Variants in BAZ2B observed in about 807,000 individuals in gnomAD.
The protein encoded by BAZ2B is bromodomain adjacent to zinc finger domain protein 2B.
In BAZ2B, 91 loss-of-function variants were observed where a neutral mutation model predicts 246.0. The ratio of observed to expected loss-of-function variants is 0.37; its 90% CI spans 0.31 to 0.44. The LOEUF is 0.44. Among genes scored for constraint, BAZ2B ranks in the 20% least tolerant of loss-of-function variants. BAZ2B has a pLI of 1.00. For synonymous variants in BAZ2B, 855 were observed against 860.0 expected, an observed-to-expected ratio of 0.99 and a Z score of 0.10; for missense variants, 2,332 against 2,533.7, an observed-to-expected ratio of 0.92 and a Z score of 1.71.
intron 2 of BAZ2B, among the ~76,000 whole-genome samples, chr2:159,534,080 T>A (rs1389774839): frequency 5.3e-5 from 8 of 152,238 alleles, no homozygotes; most frequent in African/African-American, 1.9e-4. Flanking sequence ...TCCTCATAAT[T>A]TCAAGTAAAA....
chr2:159,357,557 T>A (rs1475486331), intron 27 of BAZ2B, among the ~76,000 whole-genome samples: 1 of 152,058 alleles, frequency 6.6e-6, no homozygotes, highest in Non-Finnish European at 1.5e-5. Context: ...GTCAGGATAT[T>A]ATCCAGGAGA....
the BAZ2B span, among the ~76,000 whole-genome samples, chr2:159,666,246 T>A: frequency 6.8e-6 from 1 of 146,028 alleles, no homozygotes; most frequent in South Asian, 2.1e-4. Flanking sequence ...TTATTATATT[T>A]TTTTATGATT....
intron 2 of BAZ2B, among the ~76,000 whole-genome samples, chr2:159,507,050 T>A (rs1019199020): frequency 6.6e-6 from 1 of 152,188 alleles, no homozygotes; most frequent in Non-Finnish European, 1.5e-5. Context: ...ATGGTACTTC[T>A]ACTAAGTTAT....
chr2:159,556,945 G>A (rs2089214635), intron 1 of BAZ2B, among the ~76,000 whole-genome samples: 1 of 152,024 alleles, frequency 6.6e-6, no homozygotes, highest in Non-Finnish European at 1.5e-5. Context: ...TAGACTCCAG[G>A]AAAACAGAAT....
chr2:159,493,077 C>T (rs1038553615), intron 2 of BAZ2B, among the ~76,000 whole-genome samples: 3 of 152,106 alleles, frequency 2.0e-5, no homozygotes, highest in East Asian at 1.9e-4. Context: ...GTTATACCTT[C>T]AACTAGACAC....
chr2:159,594,665 T>A (rs1690227633), intron 1 of BAZ2B, among the ~76,000 whole-genome samples: 2 of 152,160 alleles, frequency 1.3e-5, no homozygotes, highest in Non-Finnish European at 2.9e-5. Context: ...GTAATCTTGT[T>A]TTGTTGCCCA....
At chr2:159,534,061 C>T (rs556996753) in intron 2 of BAZ2B, among the ~76,000 whole-genome samples, 3 of 152,106 alleles carry the variant, frequency 2.0e-5, no homozygotes, top group Non-Finnish European at 2.9e-5. Context: ...TTATTTTTTG[C>T]ACAATGATTC....
At chr2:159,439,982 A>G (rs1559428341) in intron 6 of BAZ2B, among the ~76,000 whole-genome samples, 1 of 152,228 alleles carries the variant, frequency 6.6e-6, no homozygotes, top group African/African-American at 2.4e-5. Context: ...ATAAAAGTGA[A>G]GTTTTGTGTT....
At chr2:159,599,167 G>T (rs1308397031) in intron 1 of BAZ2B, among the ~76,000 whole-genome samples, 3 of 152,164 alleles carry the variant, frequency 2.0e-5, no homozygotes, top group Non-Finnish European at 4.4e-5. Context: ...TCATATTTGA[G>T]AACGATGCTT....
intron 1 of BAZ2B, among the ~76,000 whole-genome samples, chr2:159,565,758 CA>C (rs2090339151): frequency 9.1e-6 from 1 of 109,396 alleles, no homozygotes; most frequent in African/African-American, 3.7e-5. Context: ...GCCTGGGCAA[CA>C]GAGTGAGACT....
intron 2 of BAZ2B, among the ~76,000 whole-genome samples, chr2:159,527,012 C>T (rs184360691): frequency 6.6e-6 from 1 of 151,624 alleles, no homozygotes; most frequent in African/African-American, 2.4e-5. Context: ...TTTACATTCC[C>T]ACTGGTAATG....
At chr2:159,584,269 G>C (rs998040550) in intron 1 of BAZ2B, among the ~76,000 whole-genome samples, 1 of 151,994 alleles carries the variant, frequency 6.6e-6, no homozygotes, top group Non-Finnish European at 1.5e-5. Context: ...CTACAAGCAT[G>C]TGCCACCACA....
intron 13 of BAZ2B, among the ~76,000 whole-genome samples, chr2:159,417,174 TG>T (rs2067876930): frequency 6.7e-6 from 1 of 150,344 alleles, no homozygotes. Flanking sequence ...TTTTTTTTTT[TG>T]TTTTTTTTTT....
the BAZ2B span, among the ~76,000 whole-genome samples, chr2:159,637,962 T>C: frequency 0.54 from 82,681 of 152,158 alleles, 23,320 homozygotes; most frequent in East Asian, 0.74. Context: ...GGAAAGGTCC[T>C]TGGGCAAGGC....
At chr2:159,481,799 A>T (rs2079264058) in intron 2 of BAZ2B, among the ~76,000 whole-genome samples, 1 of 151,894 alleles carries the variant, frequency 6.6e-6, no homozygotes, top group African/African-American at 2.4e-5. Context: ...AAAAAAAAAA[A>T]GACTGTGGAA....
intron 6 of BAZ2B, chr2:159,444,053 G>A (rs2073886069): frequency 6.6e-6 from 1 of 152,190 alleles, no homozygotes; most frequent in Non-Finnish European, 1.5e-5. Flanking sequence ...ATGATATGAT[G>A]TCTGGGATTT....
At position 159,422,952 on chromosome 2, in the gene BAZ2B, A is replaced by G. The variant is rs1016105254; in HGVS notation, c.2466+4989T>C. ...ACAAATATACACAGAAATGCTCAAC[A>G]CCCTTAATCATTAAAGAAATGCAAA... is the stretch of plus-strand genomic sequence containing the variant. On this transcript the variant is annotated intron_variant, in intron 13 of 36. Coordinates refer to ENST00000392783, the MANE Select transcript of BAZ2B (RefSeq NM_013450.4). Among the ~76,000 whole-genome samples, 14 of 152,312 alleles carry G rather than the reference A, an allele frequency of 9.2e-5. 1 individual carries two copies. The East Asian group carries it at 2.3e-3, about 25-fold the overall frequency.
intron 2 of BAZ2B, among the ~76,000 whole-genome samples, chr2:159,507,602 T>C (rs2082466385): frequency 1.3e-5 from 2 of 152,152 alleles, no homozygotes; most frequent in African/African-American, 2.4e-5. Context: ...ATTTGATGTA[T>C]TTTTCAATCA....
chr2:159,429,211 T>C lies in BAZ2B; in HGVS notation c.2244A>G (p.Pro748=), dbSNP rs34097173. 895 of 1,551,234 alleles carry C rather than the reference T, an allele frequency of 5.8e-4. 3 individuals are homozygous for C. In the African/African-American group the frequency reaches 0.011, roughly 19 times the overall value. ...CTTATTTTGCATACCCATATTCCAA[T>C]GGAATACGCAGTTCACGTTCATCTG... is the stretch of plus-strand genomic sequence containing the variant. ...RVTDERELRI[P]LEYGWQRETR... The change falls in exon 11 of 37, where the codon CCA becomes CCG. Residue 748 remains proline (P), a synonymous_variant. Transcript: ENST00000392783.
Sources: allele counts gnomAD v4.1 joint callset (sites outside exome capture counted in the v4.1 genomes callset), GRCh38; gene constraint gnomAD v4.1.1; transcripts MANE v1.5; gene names NCBI Gene and HGNC (gene_info 2026-07-23, HGNC 2026-07-21).